TSPEAR: variants seen among roughly 807,000 people sequenced by gnomAD.
The protein encoded by TSPEAR is thrombospondin type laminin G domain and EAR repeats.
Under a neutral mutation model 71.6 loss-of-function variants are expected in TSPEAR, and 69 were observed. The observed-to-expected ratio is 0.96, with a 90% confidence interval of 0.79 to 1.18. The LOEUF (loss-of-function observed/expected upper bound fraction) is 1.18. Among genes scored for constraint, TSPEAR ranks in the 50% most tolerant of loss-of-function variants. The probability of loss-of-function intolerance (pLI) is 0.00; values close to 1 mark genes in which losing one functional copy is unlikely to be tolerated. For synonymous variants in TSPEAR, 402 were observed against 387.2 expected, an observed-to-expected ratio of 1.04 and a Z score of -0.45; for missense variants, 971 against 894.9, an observed-to-expected ratio of 1.09 and a Z score of -1.09.
At chr21:44,549,708 T>C (rs1439072257) in intron 2 of TSPEAR, among the ~76,000 whole-genome samples, 1 of 152,258 alleles carries the variant, frequency 6.6e-6, no homozygotes, top group African/African-American at 2.4e-5. Flanking sequence ...CATCTGGACC[T>C]GTGCGTCCAC....
intron 1 of TSPEAR, among the ~76,000 whole-genome samples, chr21:44,701,677 T>C (rs1286336826): frequency 6.6e-6 from 1 of 151,788 alleles, no homozygotes; most frequent in Non-Finnish European, 1.5e-5. Context: ...CCTCTGAGGA[T>C]CCAGTGCTTC....
At position 44,558,133 on chromosome 21, in the gene TSPEAR, C is replaced by T. The variant is rs587674426; in HGVS notation, c.303+9652G>A. The T allele has an allele frequency of 9.3e-5, 150 of 1,613,020 alleles. No homozygotes were observed. In the Admixed American group the frequency reaches 2.0e-3, roughly 21 times the overall value. On this transcript the variant is annotated intron_variant, in intron 2 of 11. Transcript: ENST00000323084. ...CACGTGGGGCGGCAGAGGAGGGACA[C>T]GCAGGAGGCCGGGCGGCAGCAGCTG... is the stretch of plus-strand genomic sequence containing the variant.
At chr21:44,629,731 T>G (rs1379974045) in intron 1 of TSPEAR, among the ~76,000 whole-genome samples, 16 of 152,214 alleles carry the variant, frequency 1.1e-4, no homozygotes, top group African/African-American at 3.9e-4. Flanking sequence ...TCTGCTCACA[T>G]GGACTCCTTC....
Position 44,558,688 on chromosome 21 carries a change from A to G in TSPEAR, c.303+9097T>C, listed in dbSNP as rs587678642. The G allele has an allele frequency of 3.6e-5, 58 of 1,611,650 alleles. No homozygotes were observed. The Admixed American group carries it at 5.8e-4, about 16-fold the overall frequency. On this transcript the variant is annotated intron_variant, in intron 2 of 11. Coordinates refer to ENST00000323084, the MANE Select transcript of TSPEAR (RefSeq NM_144991.3). ...TGCCAGGAGTCAGAGTAAGCGCTGG[A>G]GCAGACGGACATGGTAGACGTGGCC...
chr21:44,509,431 G>A (rs368142939), intron 9 of TSPEAR, 45 bp from the exon 10 acceptor site: 91 of 1,505,090 alleles, frequency 6.0e-5, no homozygotes, highest in South Asian at 1.9e-4. Context: ...GGGAGCGGGC[G>A]CAGAGGTGTG....
At chr21:44,630,226 T>C (rs1983176253) in intron 1 of TSPEAR, among the ~76,000 whole-genome samples, 1 of 152,080 alleles carries the variant, frequency 6.6e-6, no homozygotes, top group African/African-American at 2.4e-5. Context: ...TCTCTAAAGA[T>C]CTAACAGAAC....
intron 1 of TSPEAR, among the ~76,000 whole-genome samples, chr21:44,650,417 C>T (rs1212576440): frequency 3.9e-5 from 6 of 152,030 alleles, no homozygotes; most frequent in Admixed American, 3.3e-4. Flanking sequence ...CGCCATGTGA[C>T]GACGGCGGCA....
chr21:44,700,213 C>A (rs534584116), intron 1 of TSPEAR, among the ~76,000 whole-genome samples: 1 of 152,300 alleles, frequency 6.6e-6, no homozygotes, highest in African/African-American at 2.4e-5. Context: ...TGACTTCAGG[C>A]GACACTCTGC....
At chr21:44,584,534 A>C (rs1444177634) in intron 1 of TSPEAR, among the ~76,000 whole-genome samples, 2 of 152,202 alleles carry the variant, frequency 1.3e-5, no homozygotes, top group African/African-American at 4.8e-5. Context: ...GTAACAGCTT[A>C]GTTTTTCTTT....
At chr21:44,529,975 C>T (rs374253951) in intron 4 of TSPEAR, 21 bp from the exon 5 acceptor site, 20 of 1,561,964 alleles carry the variant, frequency 1.3e-5, no homozygotes, top group Non-Finnish European at 1.7e-5. Flanking sequence ...AGGGACAGCT[C>T]CTTCAGGCCC....
rs781970414 is a variant in TSPEAR, at chr21:44,531,108, T to C, written c.568A>G (p.Thr190Ala). ...AATCGAGCTCCTTTCACTGACAGGG[T>C]GGCTGGGAAGGGCACATCGGCCATT... is the stretch of plus-strand genomic sequence containing the variant. Reference protein sequence around the residue: ...DIMADVPFPATLSVKGARFFV... With the variant: ...DIMADVPFPAALSVKGARFFV... Residue 190 changes from threonine (T) to alanine (A), a missense_variant, in exon 4 of 12, where the codon ACC (threonine) becomes GCC (alanine). Coordinates refer to ENST00000323084, the MANE Select transcript of TSPEAR (RefSeq NM_144991.3). 7 of 1,613,570 alleles carry C rather than the reference T, an allele frequency of 4.3e-6. No homozygotes were observed. Among genetic ancestry groups the C allele is most frequent in the Non-Finnish European group, 5.9e-6 (7 of 1,179,944 alleles).
intron 1 of TSPEAR, chr21:44,575,027 A>G: frequency 6.3e-7 from 1 of 1,588,532 alleles, no homozygotes; most frequent in Non-Finnish European, 8.6e-7. Flanking sequence ...CCAGCTGCTG[A>G]TGGACACGCC....
At chr21:44,532,689 C>T (rs1305298655) in intron 3 of TSPEAR, among the ~76,000 whole-genome samples, 3 of 152,180 alleles carry the variant, frequency 2.0e-5, no homozygotes, top group Admixed American at 6.5e-5. Context: ...AAGACAGAAG[C>T]GCAGCCCTGC....
intron 3 of TSPEAR, among the ~76,000 whole-genome samples, chr21:44,532,960 TG>T (rs2053003197): frequency 6.6e-6 from 1 of 152,232 alleles, no homozygotes; most frequent in Admixed American, 6.5e-5. Flanking sequence ...GCCTCCAGCC[TG>T]GAGGTTGGGG....
intron 1 of TSPEAR, among the ~76,000 whole-genome samples, chr21:44,587,074 A>G (rs587674709): frequency 1.3e-5 from 2 of 152,328 alleles, no homozygotes; most frequent in Admixed American, 1.3e-4. Context: ...AAAGGCATCC[A>G]AATCGGTACA....
chr21:44,572,222 T>C (rs1051061569), intron 1 of TSPEAR, among the ~76,000 whole-genome samples: 22 of 152,134 alleles, frequency 1.4e-4, no homozygotes, highest in African/African-American at 5.1e-4. Context: ...AAGGAGAGAT[T>C]GGGCAACCGT....
At chr21:44,583,753 AAG>A (rs1323261122) in intron 1 of TSPEAR, among the ~76,000 whole-genome samples, 1 of 152,020 alleles carries the variant, frequency 6.6e-6, no homozygotes, top group Admixed American at 6.6e-5. Context: ...ATTGACAAAT[AAG>A]AATTATATAA....
intron 1 of TSPEAR, chr21:44,667,059 G>A: frequency 3.9e-6 from 3 of 763,980 alleles, no homozygotes; most frequent in Non-Finnish European, 6.3e-6. Context: ...TGTTGTAGGT[G>A]TCTCTGGGTT....
At chr21:44,627,232 G>C (rs781933449) in intron 1 of TSPEAR, 1 of 1,612,778 alleles carries the variant, frequency 6.2e-7, no homozygotes, top group African/African-American at 1.3e-5. Flanking sequence ...GCAGGTGGAC[G>C]ACTGCCCAGA....
Sources: gnomAD v4.1 joint callset for allele counts (sites outside exome capture counted in the v4.1 genomes callset) on GRCh38, gnomAD v4.1.1 for gene constraint, MANE v1.5 for transcripts, NCBI Gene and HGNC (gene_info 2026-07-23, HGNC 2026-07-21) for gene names.